Variants in CNTN5 observed in about 807,000 individuals in gnomAD.
CNTN5 encodes the protein contactin 5.
A neutral mutation model predicts 129.1 loss-of-function variants in CNTN5; 77 were observed. The observed-to-expected ratio is 0.60, with a 90% CI of 0.50 to 0.72. The LOEUF (loss-of-function observed/expected upper bound fraction) is 0.72. CNTN5 is among the 30% of genes least tolerant of loss of function. The pLI is 0.00. For synonymous variants in CNTN5, 509 were observed against 465.6 expected (o/e 1.09, Z -1.20); for missense variants, 1,478 against 1,328.8 (o/e 1.11, Z -1.75).
intron 6 of CNTN5, among the ~76,000 whole-genome samples, chr11:99,879,638 T>C (rs568601152): frequency 1.8e-4 from 27 of 152,348 alleles, no homozygotes; most frequent in Admixed American, 1.6e-3. Context: ...CTGTGGCTCC[T>C]AAATTTTAAA....
At chr11:99,787,534 C>T (rs1945577592) in intron 3 of CNTN5, among the ~76,000 whole-genome samples, 1 of 150,340 alleles carries the variant, frequency 6.7e-6, no homozygotes, top group Non-Finnish European at 1.5e-5. Flanking sequence ...AAAAAATGGC[C>T]AAGGAATGAT....
chr11:99,118,359 A>G (rs1200925540), intron 1 of CNTN5, among the ~76,000 whole-genome samples: 1 of 152,124 alleles, frequency 6.6e-6, no homozygotes, highest in Admixed American at 6.6e-5. Flanking sequence ...TCTACTTAGT[A>G]TTTGGATATA....
chr11:99,864,572 T>C (rs1948305287), intron 6 of CNTN5, among the ~76,000 whole-genome samples: 1 of 152,170 alleles, frequency 6.6e-6, no homozygotes, highest in African/African-American at 2.4e-5. Context: ...CTGCCTGGCA[T>C]GCTGATTCCT....
chr11:99,025,163 C>G (rs1050344760), intron 1 of CNTN5, among the ~76,000 whole-genome samples: 3 of 151,908 alleles, frequency 2.0e-5, no homozygotes, highest in African/African-American at 7.2e-5. Context: ...ATTTCTCACA[C>G]TCAATTTGCA....
intron 1 of CNTN5, among the ~76,000 whole-genome samples, chr11:99,063,204 A>G (rs1864957630): frequency 6.6e-6 from 1 of 152,126 alleles, no homozygotes; most frequent in African/African-American, 2.4e-5. Context: ...AGCTTTCAAG[A>G]ACTATTTATT....
At chr11:99,580,657 CT>C (rs1949547672) in intron 3 of CNTN5, among the ~76,000 whole-genome samples, 1 of 152,104 alleles carries the variant, frequency 6.6e-6, no homozygotes, top group African/African-American at 2.4e-5. Context: ...GTTTGTAGTT[CT>C]GTGGGGTCGG....
At chr11:99,822,112 T>C (rs1946819849) in intron 4 of CNTN5, among the ~76,000 whole-genome samples, 1 of 151,854 alleles carries the variant, frequency 6.6e-6, no homozygotes, top group Admixed American at 6.6e-5. Context: ...TTACGAAAAA[T>C]GAGAAAAGTA....
rs796856453 is a variant in CNTN5, at chr11:99,456,263, G to A, written c.-70-99882G>A. 1.1e-4 allele frequency among the ~76,000 whole-genome samples: 17 copies of A among 152,128 alleles called. No individual in the cohort carries two copies. In the East Asian group the frequency reaches 1.7e-3, roughly 16 times the overall value. ...CATTTAAAAGGATCATCAACCCACC[G>A]ACAGAACTGACATTTCTCAGAGAAA... is the stretch of plus-strand genomic sequence containing the variant. On this transcript the variant is annotated intron_variant, in intron 2 of 24. Transcript: ENST00000524871.
intron 3 of CNTN5, among the ~76,000 whole-genome samples, chr11:99,664,438 G>A (rs536979165): frequency 5.3e-5 from 8 of 152,186 alleles, no homozygotes; most frequent in African/African-American, 1.4e-4. Flanking sequence ...AGAAAAGGCC[G>A]TGCTTTAGGG....
chr11:99,237,464 C>T (rs925960447), intron 1 of CNTN5, among the ~76,000 whole-genome samples: 2 of 152,188 alleles, frequency 1.3e-5, no homozygotes, highest in Admixed American at 6.5e-5. Context: ...GGGCGCATCA[C>T]GAAGTGAGGA....
intron 8 of CNTN5, among the ~76,000 whole-genome samples, chr11:99,967,281 G>A (rs757112773): frequency 3.9e-4 from 59 of 152,264 alleles, no homozygotes; most frequent in Non-Finnish European, 6.8e-4. Flanking sequence ...TTTGAAGTGC[G>A]TAGAAACACA....
intron 1 of CNTN5, among the ~76,000 whole-genome samples, chr11:99,041,302 A>G (rs1863975984): frequency 6.6e-6 from 1 of 152,096 alleles, no homozygotes; most frequent in African/African-American, 2.4e-5. Flanking sequence ...CCATATCTTT[A>G]ATATCTTCAG....
intron 7 of CNTN5, among the ~76,000 whole-genome samples, chr11:99,924,869 C>A (rs560771312): frequency 3.3e-5 from 5 of 152,156 alleles, no homozygotes; most frequent in African/African-American, 1.2e-4. Flanking sequence ...TGAATCTGTT[C>A]ATTCAAACAG....
intron 3 of CNTN5, among the ~76,000 whole-genome samples, chr11:99,667,037 TAATTA>T (rs1952821502): frequency 6.6e-6 from 1 of 151,962 alleles, no homozygotes; most frequent in African/African-American, 2.4e-5. Flanking sequence ...ATTAGTATCA[TAATTA>T]AATTTTGTGA....
At chr11:99,801,589 C>T (rs887167960) in intron 3 of CNTN5, among the ~76,000 whole-genome samples, 1 of 151,826 alleles carries the variant, frequency 6.6e-6, no homozygotes, top group African/African-American at 2.4e-5. Context: ...AGTTTGGTTG[C>T]TTTATGTGAT....
At chr11:100,278,233 G>A (rs1388570676) in intron 18 of CNTN5, among the ~76,000 whole-genome samples, 2 of 152,072 alleles carry the variant, frequency 1.3e-5, no homozygotes, top group Admixed American at 6.6e-5. Flanking sequence ...ATAATTTAAA[G>A]TCTGGTAATG....
chr11:99,587,080 T>C (rs551921000), intron 3 of CNTN5, among the ~76,000 whole-genome samples: 1 of 152,288 alleles, frequency 6.6e-6, no homozygotes, highest in Non-Finnish European at 1.5e-5. Flanking sequence ...ATGAAGTTTA[T>C]GCCATATGTT....
Position 99,196,749 on chromosome 11 carries a change from C to A in CNTN5, c.-209-128597C>A, listed in dbSNP as rs375281105. Among the ~76,000 whole-genome samples, 13 of 151,686 alleles carry A rather than the reference C, an allele frequency of 8.6e-5. No individual in the cohort carries two copies. The South Asian group carries it at 2.3e-3, about 27-fold the overall frequency. On this transcript the variant is annotated intron_variant, in intron 1 of 24. Transcript: ENST00000524871. ...TTGTTTATTTTAATATATCATGATG[C>A]AAGTTGTCTCCCAACATCCTTTAAA...
chr11:99,372,659 T>C (rs61891994), intron 2 of CNTN5, among the ~76,000 whole-genome samples: 5,495 of 152,228 alleles, frequency 0.036, 173 homozygotes, highest in East Asian at 0.14. Context: ...AATGAAGCTA[T>C]AGAATAGGAC....
Sources: allele counts gnomAD v4.1 joint callset (sites outside exome capture counted in the v4.1 genomes callset), GRCh38; gene constraint gnomAD v4.1.1; transcripts MANE v1.5; gene names NCBI Gene and HGNC (gene_info 2026-07-23, HGNC 2026-07-21).